The following CNBD1 variants were observed in gnomAD, a reference collection of about 807,000 sequenced individuals.
CNBD1 encodes the protein cyclic nucleotide binding domain containing 1.
Under a neutral mutation model 54.4 loss-of-function variants are expected in CNBD1, and 71 were observed. The observed-to-expected ratio is 1.30, with a 90% CI of 1.08 to 1.59. CNBD1 has a LOEUF of 1.59. Among genes scored for constraint, CNBD1 ranks in the 40% most tolerant of loss-of-function variants. The pLI is 0.00. For missense variants in CNBD1, 659 were observed against 518.0 expected (o/e 1.27, Z -2.64); for synonymous variants, 182 against 170.7 (o/e 1.07, Z -0.51).
intron 6 of CNBD1, among the ~76,000 whole-genome samples, chr8:87,249,655 A>C (rs757080751): frequency 6.6e-6 from 1 of 152,170 alleles, no homozygotes; most frequent in Non-Finnish European, 1.5e-5. Flanking sequence ...TAGGTTCATG[A>C]TCTATGTGCA....
intron 8 of CNBD1, among the ~76,000 whole-genome samples, chr8:87,321,488 TG>T (rs1410466531): frequency 2.6e-5 from 4 of 152,188 alleles, no homozygotes; most frequent in Non-Finnish European, 4.4e-5. Context: ...TACATTTGGA[TG>T]TCTTTGGAGA....
chr8:87,034,689 C>T (rs1276266981), intron 4 of CNBD1, among the ~76,000 whole-genome samples: 1 of 152,080 alleles, frequency 6.6e-6, no homozygotes, highest in African/African-American at 2.4e-5. Flanking sequence ...TATTTGCATG[C>T]ATGACATACT....
downstream of CNBD1, among the ~76,000 whole-genome samples, chr8:87,387,034 T>G (rs1586070690): frequency 6.6e-6 from 1 of 152,128 alleles, no homozygotes; most frequent in Non-Finnish European, 1.5e-5. Flanking sequence ...AGAAATAAAA[T>G]ACTTTACAGA....
chr8:87,244,492 C>T (rs1807761774), intron 6 of CNBD1, among the ~76,000 whole-genome samples: 1 of 152,072 alleles, frequency 6.6e-6, no homozygotes, highest in Admixed American at 6.6e-5. Context: ...TGTCTATCTC[C>T]TGAGTATAAT....
At chr8:87,354,274 AG>A (rs1376689613) in intron 10 of CNBD1, among the ~76,000 whole-genome samples, 1 of 60,618 alleles carries the variant, frequency 1.6e-5, no homozygotes, top group Non-Finnish European at 4.3e-5. Flanking sequence ...CACAATAGTA[AG>A]TGAAAGCATT....
At chr8:86,962,144 TTTCCCAAGAAG>T (rs1807945122) in intron 4 of CNBD1, among the ~76,000 whole-genome samples, 1 of 152,200 alleles carries the variant, frequency 6.6e-6, no homozygotes, top group Non-Finnish European at 1.5e-5. Flanking sequence ...CCTCCTTTGT[TTTCCCAAGAAG>T]TCCCAGGACT....
At chr8:87,062,385 T>C (rs1210717151) in intron 4 of CNBD1, among the ~76,000 whole-genome samples, 4 of 151,592 alleles carry the variant, frequency 2.6e-5, no homozygotes, top group African/African-American at 9.7e-5. Flanking sequence ...TAAGAAAAAA[T>C]GGACATTTTT....
chr8:87,237,640 C>T (rs546248216), intron 6 of CNBD1, among the ~76,000 whole-genome samples: 6 of 151,982 alleles, frequency 3.9e-5, no homozygotes, highest in Non-Finnish European at 5.9e-5. Flanking sequence ...CATATCTTTC[C>T]GAATCTCTGG....
chr8:87,018,422 C>T (rs578036745), intron 4 of CNBD1, among the ~76,000 whole-genome samples: 1 of 152,232 alleles, frequency 6.6e-6, no homozygotes, highest in African/African-American at 2.4e-5. Flanking sequence ...AAAGGCAAAG[C>T]ATAACACTTA....
chr8:87,119,211 A>G (rs1811842334), intron 4 of CNBD1, among the ~76,000 whole-genome samples: 3 of 152,106 alleles, frequency 2.0e-5, no homozygotes, highest in African/African-American at 7.2e-5. Flanking sequence ...ATTCTGATCC[A>G]TGACCATCGG....
At chr8:87,347,449 A>C (rs13264153) in intron 8 of CNBD1, among the ~76,000 whole-genome samples, 56,446 of 151,962 alleles carry the variant, frequency 0.37, 10,812 homozygotes, top group Middle Eastern at 0.45. Flanking sequence ...AATGGCTAGA[A>C]AATATAATAT....
intron 10 of CNBD1, among the ~76,000 whole-genome samples, chr8:87,378,952 G>T (rs1160484219): frequency 6.7e-6 from 1 of 149,126 alleles, no homozygotes; most frequent in Non-Finnish European, 1.5e-5. Flanking sequence ...TTGGCTCTCT[G>T]TTTGTCTGTT....
chr8:86,993,179 C>G (rs770161334), intron 4 of CNBD1, among the ~76,000 whole-genome samples: 23 of 150,380 alleles, frequency 1.5e-4, no homozygotes, highest in Non-Finnish European at 2.7e-4. Flanking sequence ...TTATTTTTGT[C>G]TGAGTGCACT....
chr8:87,301,346 TG>T (rs1808987440), intron 8 of CNBD1, among the ~76,000 whole-genome samples: 1 of 152,146 alleles, frequency 6.6e-6, no homozygotes, highest in Non-Finnish European at 1.5e-5. Flanking sequence ...ATTTATTTTA[TG>T]AAGCCAGCAT....
chr8:87,328,070 C>A (rs1160835217), intron 8 of CNBD1, among the ~76,000 whole-genome samples: 1 of 152,048 alleles, frequency 6.6e-6, no homozygotes, highest in Non-Finnish European at 1.5e-5. Flanking sequence ...CTGCACCTAT[C>A]AACCCGTCAT....
At chr8:87,295,462 A>C (rs1687622624) in intron 8 of CNBD1, among the ~76,000 whole-genome samples, 1 of 151,672 alleles carries the variant, frequency 6.6e-6, no homozygotes, top group Non-Finnish European at 1.5e-5. Context: ...AAATTAAAAT[A>C]AATTAAGAAT....
chr8:87,052,140 G>T (rs576645375), intron 4 of CNBD1, among the ~76,000 whole-genome samples: 25 of 152,182 alleles, frequency 1.6e-4, no homozygotes, highest in Non-Finnish European at 1.3e-4. Flanking sequence ...AAGCACTAGT[G>T]CCTGTGTCTC....
intron 4 of CNBD1, among the ~76,000 whole-genome samples, chr8:87,195,694 C>T (rs1269591659): frequency 6.6e-6 from 1 of 151,696 alleles, no homozygotes; most frequent in Non-Finnish European, 1.5e-5. Context: ...CTGCCTTAGC[C>T]TCCTGAGTAG....
chr8:86,984,107 G>A (rs184078135), intron 4 of CNBD1, among the ~76,000 whole-genome samples: 38 of 152,294 alleles, frequency 2.5e-4, no homozygotes, highest in African/African-American at 8.9e-4. Flanking sequence ...TTGGCACCCT[G>A]CATCCCAGCC....
Sources: gnomAD v4.1 joint callset for allele counts (sites outside exome capture counted in the v4.1 genomes callset) on GRCh38, gnomAD v4.1.1 for gene constraint, MANE v1.5 for transcripts, NCBI Gene and HGNC (gene_info 2026-07-23, HGNC 2026-07-21) for gene names.